Variants in DPP10 observed in about 807,000 individuals in gnomAD.
The protein encoded by DPP10 is inactive dipeptidyl peptidase 10.
DPP10 carries 33 observed loss-of-function variants against 120.9 expected under a neutral mutation model. The ratio of observed to expected loss-of-function variants is 0.27; its 90% confidence interval spans 0.21 to 0.37. The LOEUF (loss-of-function observed/expected upper bound fraction) is 0.37. Ranked by LOEUF, DPP10 falls within the 10% of genes least tolerant of loss-of-function variation. The pLI, the probability that DPP10 is intolerant of heterozygous loss-of-function variation, is 1.00. For missense variants in DPP10, 816 were observed against 942.8 expected (o/e 0.87, Z 1.76); for synonymous variants, 337 against 326.1 (o/e 1.03, Z -0.36).
chr2:114,831,938 TTC>T (rs1035530556), intron 1 of DPP10, among the ~76,000 whole-genome samples: 3 of 150,288 alleles, frequency 2.0e-5, no homozygotes, highest in Non-Finnish European at 4.4e-5. Context: ...CAAACCTCTC[TTC>T]TCTCTCTTTT....
At chr2:115,840,725 G>A in intron 24 of DPP10, 25 bp from the exon 25 acceptor site, 1 of 1,606,372 alleles carries the variant, frequency 6.2e-7, no homozygotes, top group Non-Finnish European at 8.5e-7. Flanking sequence ...TGTTTCTTCA[G>A]ATATCATAAT....
chr2:114,456,328 A>G (rs1443805886), intron 1 of DPP10, among the ~76,000 whole-genome samples: 8 of 152,248 alleles, frequency 5.3e-5, no homozygotes, highest in African/African-American at 1.9e-4. Flanking sequence ...AGTAAGGACA[A>G]GTTTGCACAA....
At chr2:115,420,790 C>T (rs2069873347) in intron 3 of DPP10, among the ~76,000 whole-genome samples, 1 of 152,046 alleles carries the variant, frequency 6.6e-6, no homozygotes. Flanking sequence ...CAGGAACTTC[C>T]TGGGAAGACA....
intron 1 of DPP10, among the ~76,000 whole-genome samples, chr2:114,536,762 T>G (rs1393274030): frequency 6.6e-6 from 1 of 152,144 alleles, no homozygotes; most frequent in African/African-American, 2.4e-5. Context: ...CTATGTCATT[T>G]TAATCATTAT....
At chr2:115,367,495 C>T (rs1226986985) in intron 3 of DPP10, among the ~76,000 whole-genome samples, 2 of 152,062 alleles carry the variant, frequency 1.3e-5, no homozygotes, top group Admixed American at 1.3e-4. Flanking sequence ...TAACCAGGCA[C>T]AATTTTAATA....
chr2:115,403,392 T>C, intron 3 of DPP10, among the ~76,000 whole-genome samples: 1 of 29,842 alleles, frequency 3.4e-5, no homozygotes, highest in Non-Finnish European at 9.8e-5. Flanking sequence ...TTTTTTTTTT[T>C]TTTTTTTTTT....
intron 1 of DPP10, among the ~76,000 whole-genome samples, chr2:114,890,265 CA>C (rs1692431119): frequency 6.6e-6 from 1 of 151,988 alleles, no homozygotes; most frequent in South Asian, 2.1e-4. Flanking sequence ...TTGTGTGCTA[CA>C]AGGCAAAGAG....
chr2:115,807,490 A>T (rs13429517), intron 19 of DPP10, among the ~76,000 whole-genome samples: 18,464 of 152,218 alleles, frequency 0.12, 1,290 homozygotes, highest in African/African-American at 0.18. Context: ...GCGTAACTGC[A>T]GTTAAACAAC....
intron 1 of DPP10, among the ~76,000 whole-genome samples, chr2:114,771,871 T>G (rs1681290710): frequency 6.6e-6 from 1 of 152,104 alleles, no homozygotes; most frequent in South Asian, 2.1e-4. Context: ...AATAAACACT[T>G]TAGATTTTTT....
chr2:115,842,310 T>G lies in DPP10; in HGVS notation c.2356T>G (p.Ser786Ala). The change falls in exon 26 of 26, where the codon TCT (serine) becomes GCT (alanine). Residue 786 changes from serine (S) to alanine (A), a missense_variant. Physicochemically the swap from Ser to Ala is moderately conservative, Grantham distance 99. This residue lies in a region of DPP10 where 592 missense variants were observed against 649.0 expected (regional missense o/e 0.91). Transcript: ENST00000410059. ...FFSDCLKEEI[S>A]VLPQEPEEDE is the part of the protein sequence containing the mutation. ...CAGTGATTGTTTGAAGGAAGAAATA[T>G]CTGTGCTACCACAGGAACCAGAAGA... 6.2e-7 allele frequency: 1 copy of G among 1,613,984 alleles called. No individual in the cohort carries two copies.
At chr2:114,823,550 A>C (rs1174322067) in intron 1 of DPP10, among the ~76,000 whole-genome samples, 1 of 152,188 alleles carries the variant, frequency 6.6e-6, no homozygotes, top group African/African-American at 2.4e-5. Context: ...GAAAAAGACC[A>C]AAATTCCCCA....
At chr2:115,241,173 A>G (rs567428856) in intron 1 of DPP10, among the ~76,000 whole-genome samples, 1 of 152,224 alleles carries the variant, frequency 6.6e-6, no homozygotes. Context: ...GGAGGCTGAG[A>G]CAGGAGAATT....
chr2:114,810,040 G>A (rs1030087508), intron 1 of DPP10, among the ~76,000 whole-genome samples: 2 of 152,080 alleles, frequency 1.3e-5, no homozygotes, highest in South Asian at 4.1e-4. Flanking sequence ...CCAACTAAAT[G>A]AGATTTTGAC....
chr2:114,640,768 G>C (rs773812724), intron 1 of DPP10, among the ~76,000 whole-genome samples: 1 of 151,862 alleles, frequency 6.6e-6, no homozygotes, highest in Non-Finnish European at 1.5e-5. Flanking sequence ...AATGGACCAG[G>C]CATCTCTTTT....
intron 1 of DPP10, among the ~76,000 whole-genome samples, chr2:115,285,525 A>C (rs139118004): frequency 3.3e-5 from 5 of 152,202 alleles, no homozygotes; most frequent in Admixed American, 1.3e-4. Flanking sequence ...TAGAACTCCA[A>C]TGAGAGAAAA....
At chr2:114,615,656 G>A (rs570637174) in intron 1 of DPP10, among the ~76,000 whole-genome samples, 1 of 152,218 alleles carries the variant, frequency 6.6e-6, no homozygotes, top group South Asian at 2.1e-4. Flanking sequence ...TTGATTTACT[G>A]GTTAGCCTTG....
chr2:115,734,655 TAAAAA>T (rs55950813), intron 8 of DPP10, among the ~76,000 whole-genome samples: 5,353 of 100,452 alleles, frequency 0.053, 354 homozygotes, highest in African/African-American at 0.2. Context: ...GACTCTGTCT[TAAAAA>T]AAAAAAAAAA....
chr2:115,667,456 C>A (rs1055131577), intron 5 of DPP10, among the ~76,000 whole-genome samples: 10 of 152,100 alleles, frequency 6.6e-5, no homozygotes, highest in African/African-American at 2.2e-4. Context: ...AGGTTATTTT[C>A]CAGGATTTTT....
chr2:115,024,176 A>G (rs1703282676), intron 1 of DPP10, among the ~76,000 whole-genome samples: 3 of 152,126 alleles, frequency 2.0e-5, no homozygotes, highest in Admixed American at 1.3e-4. Context: ...TTTTAGAACA[A>G]AGAAAAACCA....
Sources: allele counts gnomAD v4.1 joint callset (sites outside exome capture counted in the v4.1 genomes callset), GRCh38; gene constraint gnomAD v4.1.1; regional missense constraint gnomAD v4.1.1; transcripts MANE v1.5; gene names NCBI Gene and HGNC (gene_info 2026-07-23, HGNC 2026-07-21).